UNC13B: variants seen among roughly 807,000 people sequenced by gnomAD.
The protein encoded by UNC13B is protein unc-13 homolog B.
Under a neutral mutation model 211.0 loss-of-function variants are expected in UNC13B, and 144 were observed. The ratio of observed to expected loss-of-function variants is 0.68; its 90% CI spans 0.60 to 0.78. The LOEUF (loss-of-function observed/expected upper bound fraction) is 0.78. UNC13B is among the 30% of genes least tolerant of loss of function. The pLI is 0.00. For missense variants in UNC13B, 1,777 were observed against 2,002.0 expected, an observed-to-expected ratio of 0.89 and a Z score of 2.14; for synonymous variants, 709 against 725.8, an observed-to-expected ratio of 0.98 and a Z score of 0.37.
At chr9:35,386,117 C>G in intron 23 of UNC13B, 48 bp from the exon 24 acceptor site, 1 of 1,611,990 alleles carries the variant, frequency 6.2e-7, no homozygotes, top group Non-Finnish European at 8.5e-7. Flanking sequence ...GAATATCCCA[C>G]CCAGGTGAGC....
chr9:35,296,351 G>A (rs1482369239), intron 8 of UNC13B, among the ~76,000 whole-genome samples: 1 of 152,160 alleles, frequency 6.6e-6, no homozygotes, highest in African/African-American at 2.4e-5. Flanking sequence ...TCTTATAGCA[G>A]ATTCAGTATT....
At chr9:35,297,090 C>CTTTTT (rs201558543) in intron 8 of UNC13B, among the ~76,000 whole-genome samples, 8 of 128,170 alleles carry the variant, frequency 6.2e-5, no homozygotes, top group South Asian at 2.6e-4. Context: ...TTTTAAGAAG[C>CTTTTT]TTTTTTTTTT....
At chr9:35,260,401 G>A (rs777113723) in intron 7 of UNC13B, among the ~76,000 whole-genome samples, 19 of 152,100 alleles carry the variant, frequency 1.2e-4, no homozygotes, top group African/African-American at 4.1e-4. Context: ...TGAGTAATTC[G>A]CCACAAATCA....
chr9:35,282,450 T>G (rs1301468179), intron 7 of UNC13B, among the ~76,000 whole-genome samples: 2 of 152,114 alleles, frequency 1.3e-5, no homozygotes, highest in African/African-American at 2.4e-5. Flanking sequence ...GTTTTGTTTT[T>G]GGGATAGTCT....
rs765570021 is a variant in UNC13B, at chr9:35,370,350, T to C, written c.9494T>C (p.Met3165Thr). Residue 3165 changes from methionine to threonine, a missense_variant, in exon 13 of 40, where the codon ATG (methionine) becomes ACG (threonine). Physicochemically the swap from Met to Thr is moderately conservative, Grantham distance 81. Coordinates refer to ENST00000635942, the MANE Select transcript of UNC13B (RefSeq NM_001371189.2). ...PAGGLYGIDS[M>T]PDLRRKKPLP... ...GGAGGGCTCTATGGCATTGACAGCA[T>C]GCCAGATTTACGCAGAAAGAAGCCA... is the stretch of plus-strand genomic sequence containing the variant. 6.2e-7 allele frequency: 1 copy of C among 1,614,028 alleles called. No homozygotes were observed. Among genetic ancestry groups the C allele is most frequent in the South Asian group, 1.1e-5 (1 of 91,080 alleles).
At chr9:35,316,891 A>T (rs949872781) in intron 11 of UNC13B, among the ~76,000 whole-genome samples, 4 of 152,190 alleles carry the variant, frequency 2.6e-5, no homozygotes, top group African/African-American at 9.7e-5. Context: ...CAAAATATTA[A>T]AATAAGATTT....
chr9:35,287,208 C>T (rs1178278382), intron 7 of UNC13B, among the ~76,000 whole-genome samples: 1 of 151,250 alleles, frequency 6.6e-6, no homozygotes, highest in African/African-American at 2.4e-5. Context: ...TCACGGCTCA[C>T]TGCAACAACC....
chr9:35,265,437 C>T (rs1258537684), intron 7 of UNC13B, among the ~76,000 whole-genome samples: 7 of 152,220 alleles, frequency 4.6e-5, no homozygotes, highest in African/African-American at 1.4e-4. Flanking sequence ...TTGGGCTTTC[C>T]AGCCTCAGAC....
chr9:35,211,172 A>G (rs989868120), intron 1 of UNC13B, among the ~76,000 whole-genome samples: 2 of 152,270 alleles, frequency 1.3e-5, no homozygotes, highest in Non-Finnish European at 2.9e-5. Context: ...AAGAATAAAG[A>G]ATATACGGTG....
chr9:35,401,903 C>T (rs1836322035), intron 37 of UNC13B: 1 of 1,527,216 alleles, frequency 6.5e-7, no homozygotes, highest in Admixed American at 2.0e-5. Context: ...ATTCTTCTTT[C>T]TCTGTTCTGC....
intron 1 of UNC13B, among the ~76,000 whole-genome samples, chr9:35,204,033 A>G (rs1187093773): frequency 6.6e-6 from 1 of 152,270 alleles, no homozygotes; most frequent in Non-Finnish European, 1.5e-5. Context: ...GCTGCACTGC[A>G]CAGCTCCATG....
chr9:35,167,945 G>A (rs976559909), intron 1 of UNC13B, among the ~76,000 whole-genome samples: 1 of 151,182 alleles, frequency 6.6e-6, no homozygotes, highest in Non-Finnish European at 1.5e-5. Flanking sequence ...TTGAGACAGG[G>A]TCTTGCATTG....
intron 7 of UNC13B, among the ~76,000 whole-genome samples, chr9:35,293,337 A>C (rs192194728): frequency 6.6e-6 from 1 of 152,336 alleles, no homozygotes. Flanking sequence ...ATGCAGGGAG[A>C]AAGTAAAACC....
At position 35,342,861 on chromosome 9, in the gene UNC13B, G is replaced by A. The variant is rs115783763; in HGVS notation, c.9415-24086G>A. ...ACCTTTCTGTTCTTGAATATATTCT[G>A]TATCATTTCCACCCTTCCTGTATGT... is the stretch of plus-strand genomic sequence containing the variant. On this transcript the variant is annotated intron_variant, in intron 11 of 39. Transcript: ENST00000635942. 8.4e-3 allele frequency among the ~76,000 whole-genome samples: 1,286 copies of A among 152,206 alleles called. 18 individuals carry two copies. The highest frequency in any genetic ancestry group is 0.029 in the African/African-American group (1,189 of 41,506).
At chr9:35,403,621 C>T in intron 39 of UNC13B, 22 bp downstream of exon 39, 1 of 1,558,052 alleles carries the variant, frequency 6.4e-7, no homozygotes, top group South Asian at 1.1e-5. Flanking sequence ...GGGGGACATA[C>T]AGGACTCTGG....
At chr9:35,227,779 G>T (rs1302404649) in intron 1 of UNC13B, 2 of 415,142 alleles carry the variant, frequency 4.8e-6, no homozygotes, top group African/African-American at 4.2e-5. Flanking sequence ...CCACCTTGTT[G>T]TCAGGAGCCT....
intron 11 of UNC13B, among the ~76,000 whole-genome samples, chr9:35,316,858 C>G (rs1459011044): frequency 1.3e-5 from 2 of 151,994 alleles, no homozygotes; most frequent in African/African-American, 4.8e-5. Flanking sequence ...AATGTACAAT[C>G]AGACCTTAAA....
At chr9:35,401,091 G>A (rs1836270595) in intron 37 of UNC13B, among the ~76,000 whole-genome samples, 1 of 152,202 alleles carries the variant, frequency 6.6e-6, no homozygotes, top group South Asian at 2.1e-4. Flanking sequence ...CATAGATGTA[G>A]CTCAGGTTGA....
chr9:35,386,325 G>C (rs771919440), intron 24 of UNC13B, 32 bp downstream of exon 24: 2 of 1,612,678 alleles, frequency 1.2e-6, no homozygotes, highest in African/African-American at 2.7e-5. Flanking sequence ...GGGGCCAGCT[G>C]TCAGTGGCTC....
Sources: allele counts gnomAD v4.1 joint callset (sites outside exome capture counted in the v4.1 genomes callset), GRCh38; gene constraint gnomAD v4.1.1; transcripts MANE v1.5; gene names NCBI Gene and HGNC (gene_info 2026-07-23, HGNC 2026-07-21).